Variants in BLOC1S6 observed in about 807,000 individuals in gnomAD.
BLOC1S6 encodes biogenesis of lysosomal organelles complex 1 subunit 6, also known as biogenesis of lysosome-related organelles complex 1 subunit 6.
Under a neutral mutation model 24.7 loss-of-function variants are expected in BLOC1S6, and 24 were observed. That is an observed-to-expected ratio of 0.97 (90% confidence interval 0.70 to 1.37). The LOEUF (loss-of-function observed/expected upper bound fraction) is 1.37, where lower values mean the gene tolerates loss of function less well. Ranked by LOEUF, BLOC1S6 falls within the 40% of genes most tolerant of loss-of-function variation. The pLI, the probability that BLOC1S6 is intolerant of heterozygous loss-of-function variation, is 0.00. For missense variants in BLOC1S6, 175 were observed against 196.2 expected, an observed-to-expected ratio of 0.89 and a Z score of 0.64; for synonymous variants, 76 against 72.6, an observed-to-expected ratio of 1.05 and a Z score of -0.23.
chr15:45,592,318 G>T, intron 2 of BLOC1S6, 42 bp downstream of exon 2: 1 of 1,605,736 alleles, frequency 6.2e-7, no homozygotes, highest in South Asian at 1.1e-5. Flanking sequence ...TTTCCTCTGT[G>T]GCATAGTCAC....
intron 3 of BLOC1S6, 113 bp downstream of exon 3, chr15:45,603,300 A>G: frequency 4.5e-6 from 3 of 670,798 alleles, no homozygotes; most frequent in Non-Finnish European, 7.9e-6. Context: ...TTAACAAGAA[A>G]CCTTGATTGA....
chr15:45,587,793 T>G (rs1893736946), intron 1 of BLOC1S6: 2 of 701,976 alleles, frequency 2.8e-6, no homozygotes, highest in Non-Finnish European at 5.2e-6. Flanking sequence ...ATGTGTTGAC[T>G]CCGGTACGTC....
At chr15:45,587,701 T>C (rs1420544665) in intron 1 of BLOC1S6, 176 bp downstream of exon 1, 2 of 727,102 alleles carry the variant, frequency 2.8e-6, no homozygotes, top group East Asian at 5.3e-5. Flanking sequence ...CCCAGCGCAA[T>C]GGGCGGAACT....
intron 2 of BLOC1S6, among the ~76,000 whole-genome samples, chr15:45,601,784 C>G (rs150909026): frequency 3.8e-4 from 58 of 152,200 alleles, no homozygotes; most frequent in African/African-American, 1.4e-3. Flanking sequence ...CTGTGTATCT[C>G]AGATGGTTGA....
chr15:45,596,824 C>T (rs771845053), intron 2 of BLOC1S6, among the ~76,000 whole-genome samples: 12 of 151,836 alleles, frequency 7.9e-5, no homozygotes, highest in South Asian at 4.2e-4. Flanking sequence ...TATAGGTGCG[C>T]GCCACCACAC....
Position 45,587,401 on chromosome 15 carries a change from A to T in BLOC1S6, c.-43A>T. On this transcript the variant is annotated 5_prime_UTR_variant, in exon 1 of 5. Coordinates refer to ENST00000220531, the MANE Select transcript of BLOC1S6 (RefSeq NM_012388.4). ...GTTAGGTGCCGCCTTGCTTCTGACGAGCCACACGTTTGCTTCTTCCCTGTG... is the reference window on the plus strand; with the variant it reads ...GTTAGGTGCCGCCTTGCTTCTGACGTGCCACACGTTTGCTTCTTCCCTGTG... 1 of 1,528,854 alleles carries T rather than the reference A, an allele frequency of 6.5e-7. No individual in the cohort carries two copies. The highest frequency in any genetic ancestry group is 1.4e-5 in the African/African-American group (1 of 72,786). The allele number at this position is 1,528,854 out of a possible 1,614,324, so 94.7% of individuals were successfully genotyped here.
intron 2 of BLOC1S6, among the ~76,000 whole-genome samples, chr15:45,597,469 C>G (rs751666007): frequency 1.3e-5 from 2 of 152,060 alleles, no homozygotes; most frequent in Non-Finnish European, 2.9e-5. Flanking sequence ...AAAGTGAGAC[C>G]CTATCTGAAC....
intron 1 of BLOC1S6, among the ~76,000 whole-genome samples, chr15:45,588,947 A>T (rs1220209573): frequency 6.6e-6 from 1 of 152,168 alleles, no homozygotes; most frequent in African/African-American, 2.4e-5. Context: ...ATTGGTGCCA[A>T]TTTCTTAGGA....
chr15:45,606,038 T>C (rs1894443874), intron 4 of BLOC1S6, among the ~76,000 whole-genome samples: 1 of 152,196 alleles, frequency 6.6e-6, no homozygotes, highest in Admixed American at 6.5e-5. Flanking sequence ...ACTCCTGAGC[T>C]CAAGCAGCCC....
intron 2 of BLOC1S6, 109 bp downstream of exon 2, chr15:45,592,385 A>G (rs1218907049): frequency 4.6e-6 from 6 of 1,299,960 alleles, no homozygotes; most frequent in Non-Finnish European, 6.5e-6. Flanking sequence ...TGCAATTATA[A>G]TTGAGTATGT....
chr15:45,599,574 G>A (rs1894195424), intron 2 of BLOC1S6: 1 of 110,300 alleles, frequency 9.1e-6, no homozygotes, highest in African/African-American at 4.8e-5. Flanking sequence ...AAAAACACAT[G>A]AAAAAATGCT....
chr15:45,594,555 C>T (rs1264369465), intron 2 of BLOC1S6, among the ~76,000 whole-genome samples: 2 of 152,116 alleles, frequency 1.3e-5, no homozygotes, highest in African/African-American at 2.4e-5. Context: ...GAAGTTGAGT[C>T]ATCTTTTCTG....
At chr15:45,591,246 T>G (rs1893873607) in intron 1 of BLOC1S6, among the ~76,000 whole-genome samples, 1 of 152,176 alleles carries the variant, frequency 6.6e-6, no homozygotes, top group African/African-American at 2.4e-5. Flanking sequence ...GTAAATAACA[T>G]ATCGAACTAT....
At chr15:45,591,991 C>G in intron 1 of BLOC1S6, 144 bp from the exon 2 acceptor site, 3 of 927,914 alleles carry the variant, frequency 3.2e-6, no homozygotes, top group Non-Finnish European at 1.6e-6. Flanking sequence ...TCCGGCTGGT[C>G]AGAGTGCAGT....
chr15:45,593,604 A>G lies in BLOC1S6; in HGVS notation c.224+1328A>G, dbSNP rs372599871. On this transcript the variant is annotated intron_variant, in intron 2 of 4. Transcript: ENST00000220531. ...AAGGTAAGAAACTGCAAGCGAACAT[A>G]TCTGAAAAATACTTTACTTGCAGGA... Among the ~76,000 whole-genome samples, 124 of 152,312 alleles carry G rather than the reference A, an allele frequency of 8.1e-4. 7 individuals are homozygous for G. In the South Asian group the frequency reaches 0.021, roughly 25 times the overall value.
At chr15:45,590,923 T>C (rs73420427) in intron 1 of BLOC1S6, among the ~76,000 whole-genome samples, 14,690 of 152,172 alleles carry the variant, frequency 0.097, 2,438 homozygotes, top group African/African-American at 0.34. Context: ...TACTTTTTTT[T>C]CTCTGATTAT....
chr15:45,598,031 A>G (rs1894140485), intron 2 of BLOC1S6: 1 of 178,338 alleles, frequency 5.6e-6, no homozygotes, highest in Admixed American at 6.1e-5. Context: ...GGCTGGTTCA[A>G]TATACGCAAA....
intron 3 of BLOC1S6, among the ~76,000 whole-genome samples, chr15:45,604,731 C>T (rs988211389): frequency 2.0e-5 from 3 of 152,200 alleles, no homozygotes. Context: ...TCTTTCATTT[C>T]TTCTCTTTCT....
At chr15:45,587,269 C>G (rs1385934428), upstream of BLOC1S6, 7 of 681,702 alleles carry the variant, frequency 1.0e-5, no homozygotes, top group Non-Finnish European at 1.8e-5. Flanking sequence ...CCCCACAACG[C>G]CATGGGGCAG....
Sources: gnomAD v4.1 joint callset for allele counts (sites outside exome capture counted in the v4.1 genomes callset) on GRCh38, gnomAD v4.1.1 for gene constraint, MANE v1.5 for transcripts, NCBI Gene and HGNC (gene_info 2026-07-23, HGNC 2026-07-21) for gene names.